Variants in STAT3 observed in about 807,000 individuals in gnomAD.
STAT3 encodes the protein DNA-binding protein APRF.
Under a neutral mutation model 114.3 loss-of-function variants are expected in STAT3, and 7 were observed. The observed-to-expected ratio is 0.06, with a 90% CI of 0.03 to 0.11. STAT3 has a LOEUF of 0.11. STAT3 is among the 10% of genes least tolerant of loss of function. The probability of loss-of-function intolerance (pLI) is 1.00; values close to 1 mark genes in which losing one functional copy is unlikely to be tolerated. For synonymous variants in STAT3, 331 were observed against 354.5 expected, an observed-to-expected ratio of 0.93 and a Z score of 0.74; for missense variants, 364 against 960.9, an observed-to-expected ratio of 0.38 and a Z score of 8.21.
chr17:42,319,336 G>A (rs1010843960), intron 21 of STAT3, among the ~76,000 whole-genome samples: 2 of 152,004 alleles, frequency 1.3e-5, no homozygotes, highest in African/African-American at 4.8e-5. Flanking sequence ...GAGGTCAGGG[G>A]TTCGAGACCA....
At chr17:42,343,834 C>T (rs1364176485) in intron 4 of STAT3, among the ~76,000 whole-genome samples, 1 of 152,110 alleles carries the variant, frequency 6.6e-6, no homozygotes, top group Non-Finnish European at 1.5e-5. Flanking sequence ...AAATATTTAT[C>T]TTGTATACAA....
chr17:42,322,107 C>G (rs1038744644), intron 21 of STAT3, among the ~76,000 whole-genome samples, 175 bp downstream of exon 21: 2 of 152,184 alleles, frequency 1.3e-5, no homozygotes, highest in African/African-American at 4.8e-5. Context: ...GATTCTGATT[C>G]TCCTCTCAAA....
intron 15 of STAT3, among the ~76,000 whole-genome samples, chr17:42,325,841 C>T (rs2081690120): frequency 1.3e-5 from 2 of 152,178 alleles, no homozygotes; most frequent in South Asian, 2.1e-4. Flanking sequence ...GGATTACAGG[C>T]GTGAGCCACC....
At position 42,345,583 on chromosome 17, in the gene STAT3, T is replaced by C. The variant is rs200960081; in HGVS notation, c.348A>G (p.Leu116=). 21 of 1,607,262 alleles carry C rather than the reference T, an allele frequency of 1.3e-5. No homozygotes were observed. In the East Asian group the frequency reaches 4.7e-4, roughly 36 times the overall value. The stretch of plus-strand genomic sequence containing the variant: ...CCTGGGCCGCAGTGGCTGCAGTCTG[T>C]AGAAGGCGTGATTCTTCCCACAGGC... ...ARCLWEESRL[L]QTAATAAQQG... The change falls in exon 4 of 24, where the codon CTA becomes CTG. Residue 116 remains leucine (L), a synonymous_variant. Coordinates refer to ENST00000264657, the MANE Select transcript of STAT3 (RefSeq NM_139276.3).
chr17:42,359,473 A>G (rs2083401521), intron 1 of STAT3, among the ~76,000 whole-genome samples: 1 of 152,204 alleles, frequency 6.6e-6, no homozygotes, highest in African/African-American at 2.4e-5. Context: ...ACCTGATCAA[A>G]TATCTCCATA....
intron 21 of STAT3, among the ~76,000 whole-genome samples, chr17:42,317,805 G>C (rs1167248179): frequency 1.3e-5 from 2 of 152,128 alleles, no homozygotes; most frequent in Non-Finnish European, 2.9e-5. Flanking sequence ...TTTCTAGTTG[G>C]ATAAATACGT....
At chr17:42,379,634 ATC>A (rs1389262672) in intron 1 of STAT3, among the ~76,000 whole-genome samples, 1 of 152,048 alleles carries the variant, frequency 6.6e-6, no homozygotes, top group East Asian at 1.9e-4. Context: ...ACCAACTCTA[ATC>A]ATTCCTCTTC....
chr17:42,321,147 T>A (rs2081464286), intron 21 of STAT3, among the ~76,000 whole-genome samples: 1 of 141,962 alleles, frequency 7.0e-6, no homozygotes, highest in Non-Finnish European at 1.5e-5. Flanking sequence ...TGAGTCAAGG[T>A]CTTGCTCTGT....
intron 21 of STAT3, among the ~76,000 whole-genome samples, chr17:42,318,223 A>G (rs2081328956): frequency 6.6e-6 from 1 of 152,078 alleles, no homozygotes; most frequent in South Asian, 2.1e-4. Flanking sequence ...CCAGGGTTCA[A>G]GTGATTCTCC....
At position 42,333,526 on chromosome 17, in the gene STAT3, T is replaced by C. The variant is rs1598414456; in HGVS notation, c.1049+147A>G. 2.3e-6 allele frequency: 2 copies of C among 875,258 alleles called. No homozygotes were observed. The highest frequency in any genetic ancestry group is 1.4e-5 in the South Asian group (1 of 70,468). The allele number at this position is 875,258 out of a possible 1,614,324, so 54.2% of individuals were successfully genotyped here. A position where few individuals can be genotyped will look rare whatever the true frequency, so the allele number is the denominator to read the frequency against. On this transcript the variant is annotated intron_variant, in intron 10 of 23. Coordinates refer to ENST00000264657, the MANE Select transcript of STAT3 (RefSeq NM_139276.3). This position sits in a 1 kb window ranked among gnomAD's most constrained non-coding sequence, Gnocchi z 5.2. Reference sequence around the variant, plus strand: ...ACATCAGAATCAGAGAGCAAGCAGATAGTATGGCAACAAATTTCAACCCCG... The same window carrying C: ...ACATCAGAATCAGAGAGCAAGCAGACAGTATGGCAACAAATTTCAACCCCG...
chr17:42,378,593 C>G (rs1013798263), intron 1 of STAT3, among the ~76,000 whole-genome samples: 2 of 152,176 alleles, frequency 1.3e-5, no homozygotes, highest in African/African-American at 4.8e-5. Context: ...AATGTGCTTT[C>G]CCTAAACATA....
At chr17:42,350,056 CA>C (rs34972443) in intron 1 of STAT3, among the ~76,000 whole-genome samples, 51,719 of 136,400 alleles carry the variant, frequency 0.38, 8,938 homozygotes, top group South Asian at 0.49. Context: ...ACTCTGTCTC[CA>C]AAAAAAAAAA....
chr17:42,339,255 C>CA lies in STAT3; in HGVS notation c.468+58dup, dbSNP rs397712608. ...TGAGTGGCAGAGCAAGACCCTGTCT[C>CA]AAAAAAAAAAAAAAAAATTAATGAA... On this transcript the variant is annotated intron_variant, in intron 5 of 23. Coordinates refer to ENST00000264657, the MANE Select transcript of STAT3 (RefSeq NM_139276.3). The CA allele has an allele frequency of 0.17, 217,615 of 1,315,858 alleles. 1,600 individuals carry two copies. Among genetic ancestry groups the CA allele is most frequent in the African/African-American group, 0.26 (15,694 of 60,044 alleles). 81.5% of individuals were successfully genotyped at this position (1,315,858 alleles called of 1,614,324 possible). A position where few individuals can be genotyped will look rare whatever the true frequency, so the allele number is the denominator to read the frequency against.
chr17:42,323,417 G>T, intron 18 of STAT3, 63 bp from the exon 19 acceptor site: 1 of 1,581,156 alleles, frequency 6.3e-7, no homozygotes. Context: ...CTTCCTAGGG[G>T]TGCAGTGCAT....
rs765736757 is a variant in STAT3, at chr17:42,323,665, T to C, written c.1601-40A>G. 8 of 1,601,506 alleles carry C rather than the reference T, an allele frequency of 5.0e-6. No individual in the cohort carries two copies. In the Admixed American group the frequency reaches 1.3e-4, roughly 27 times the overall value. On this transcript the variant is annotated intron_variant, in intron 17 of 23. Coordinates refer to ENST00000264657, the MANE Select transcript of STAT3 (RefSeq NM_139276.3). ...AAGAGTCAAGTAGTACATTTTCAGC[T>C]TGGGGTCAAGAGGTTATTTCTTAAA...
At chr17:42,376,925 C>G (rs114743279) in intron 1 of STAT3, among the ~76,000 whole-genome samples, 1,602 of 152,244 alleles carry the variant, frequency 0.011, 39 homozygotes, top group African/African-American at 0.033. Flanking sequence ...ATTTAATTAT[C>G]CCCAAGTTAA....
intron 18 of STAT3, 88 bp from the exon 19 acceptor site, chr17:42,323,442 G>A: frequency 1.3e-6 from 2 of 1,565,154 alleles, no homozygotes; most frequent in Non-Finnish European, 1.8e-6. Context: ...CAAATCCTCA[G>A]GCCCGTCTAC....
In STAT3 at chr17:42,315,417, T is replaced by A. The variant is rs1242899687; in HGVS notation, c.*328A>T. On this transcript the variant is annotated 3_prime_UTR_variant, in exon 24 of 24. Transcript: ENST00000264657. ...AACAACAACAACAATAACAAAAAGC[T>A]GCTGAGAAAGGAGGGCAGGGGAACA... The A allele has an allele frequency of 2.1e-6, 1 of 483,288 alleles. No individual in the cohort carries two copies. The highest frequency in any genetic ancestry group is 3.8e-6 in the Non-Finnish European group (1 of 263,844). The allele number at this position is 483,288 out of a possible 1,614,324, so 29.9% of individuals were successfully genotyped here.
intron 8 of STAT3, among the ~76,000 whole-genome samples, chr17:42,334,439 C>CTTTTT (rs56055491): frequency 2.8e-5 from 2 of 70,222 alleles, no homozygotes; most frequent in East Asian, 4.0e-4. Context: ...TGCGCCTGGC[C>CTTTTT]TTTTTTTTTT....
Sources: gnomAD v4.1 joint callset for allele counts (sites outside exome capture counted in the v4.1 genomes callset) on GRCh38, gnomAD v4.1.1 for gene constraint, Gnocchi (gnomAD v3.1) non-coding constraint, MANE v1.5 for transcripts, NCBI Gene and HGNC (gene_info 2026-07-23, HGNC 2026-07-21) for gene names.